TLE2: variants seen among roughly 807,000 people sequenced by gnomAD.
The protein encoded by TLE2 is TLE family member 2, transcriptional corepressor.
A neutral mutation model predicts 97.2 loss-of-function variants in TLE2; 74 were observed. The observed-to-expected ratio is 0.76, with a 90% CI of 0.63 to 0.92. TLE2 has a LOEUF of 0.92. Ranked by LOEUF, TLE2 falls within the 40% of genes least tolerant of loss-of-function variation. The pLI is 0.00. For synonymous variants in TLE2, 499 were observed against 432.1 expected, an observed-to-expected ratio of 1.15 and a Z score of -1.92; for missense variants, 1,038 against 1,008.7, an observed-to-expected ratio of 1.03 and a Z score of -0.39.
intron 1 of TLE2, among the ~76,000 whole-genome samples, chr19:3,035,286 C>G (rs981612645): frequency 2.0e-5 from 3 of 152,144 alleles, no homozygotes; most frequent in Non-Finnish European, 4.4e-5. Flanking sequence ...CCACATCCGG[C>G]CAGAGCAGGA....
chr19:3,000,523 C>A, intron 19 of TLE2, 124 bp downstream of exon 19: 1 of 837,224 alleles, frequency 1.2e-6, no homozygotes, highest in African/African-American at 1.7e-5. Context: ...CTTGCAGGAC[C>A]CTGAGGAGGG....
intron 17 of TLE2, among the ~76,000 whole-genome samples, chr19:3,005,049 A>G (rs1442582819): frequency 2.6e-5 from 4 of 151,912 alleles, no homozygotes; most frequent in Non-Finnish European, 5.9e-5. Context: ...CCTCCTGGCC[A>G]GTAGCTCCCC....
chr19:3,041,021 T>A lies in TLE2; in HGVS notation c.63+4705A>T, dbSNP rs1422542294. Among the ~76,000 whole-genome samples the A allele has an allele frequency of 2.7e-3, 167 of 62,648 alleles. 1 individual carries two copies. The highest frequency in any genetic ancestry group is 0.012 in the Middle Eastern group (2 of 164). The allele number at this position is 62,648 out of a possible 152,430, so 41.1% of individuals were successfully genotyped here. ...TATATATATATATATATATTTTTTT[T>A]TTTTTTTTTTTTTTTTTTTTTTTGA... is the stretch of plus-strand genomic sequence containing the variant. On this transcript the variant is annotated intron_variant, in intron 1 of 18. Coordinates refer to the TLE2 transcript ENST00000426948.
At chr19:3,034,635 T>A (rs902715) in intron 1 of TLE2, among the ~76,000 whole-genome samples, 49,693 of 151,274 alleles carry the variant, frequency 0.33, 8,254 homozygotes, top group Middle Eastern at 0.42. Context: ...TGCAAAAGCC[T>A]TCTCCCCCAG....
chr19:3,006,593 C>T lies in TLE2; in HGVS notation c.1327G>A (p.Gly443Ser), dbSNP rs1175465954. ...AGCTGCCGGGCGTGCCGCGGGATGC[C>T]CGCGCCTACCAGTGCATCCGAGGGG... ...PFPSDALVGA[G>S]IPRHARQLHT... is the part of the protein sequence containing the mutation. The change falls in exon 15 of 20, where the codon GGC (glycine) becomes AGC (serine). Residue 443 changes from glycine (G) to serine (S), a missense_variant. Gly to Ser is a moderately conservative substitution (Grantham distance 56, BLOSUM62 0). Coordinates refer to ENST00000262953, the MANE Select transcript of TLE2 (RefSeq NM_003260.5). 1.9e-6 allele frequency: 3 copies of T among 1,607,744 alleles called. No individual in the cohort carries two copies. Among genetic ancestry groups the T allele is most frequent in the Non-Finnish European group, 1.7e-6 (2 of 1,177,824 alleles).
rs2089917762 is a variant in TLE2, at chr19:3,025,036, G to A, written c.278C>T (p.Pro93Leu). The change falls in exon 5 of 20, where the codon CCC becomes CTC. Residue 93 changes from proline to leucine, a missense_variant. Physicochemically the swap from Pro to Leu is moderately conservative, Grantham distance 98. Transcript: ENST00000262953. Reference protein sequence around the residue: ...RLSGICAQIIPFLTQEHQQQV... With the variant: ...RLSGICAQIILFLTQEHQQQV... ...CCCACTCACCTCCTGGGTCAGGAAG[G>A]GGATAATCTGAGCGCAGATACCGCT... 3.7e-6 allele frequency: 6 copies of A among 1,603,142 alleles called. No individual in the cohort carries two copies. The highest frequency in any genetic ancestry group is 5.1e-6 in the Non-Finnish European group (6 of 1,175,176).
chr19:3,025,059 G>A lies in TLE2; in HGVS notation c.255C>T (p.Ser85=), dbSNP rs150091357. 3,384 of 1,586,916 alleles carry A rather than the reference G, an allele frequency of 2.1e-3. 67 individuals are homozygous for A. In the African/African-American group the frequency reaches 0.04, roughly 19 times the overall value. Residue 85 remains serine (S), a synonymous_variant, in exon 5 of 20, where the codon AGC becomes AGT. Coordinates refer to ENST00000262953, the MANE Select transcript of TLE2 (RefSeq NM_003260.5). ...AGGGGATAATCTGAGCGCAGATACC[G>A]CTCAGACGCTTCACAATCTCCGCCT... ...HKQAEIVKRL[S]GICAQIIPFL...
chr19:3,027,514 G>A (rs1019062521), intron 4 of TLE2, among the ~76,000 whole-genome samples: 1 of 152,212 alleles, frequency 6.6e-6, no homozygotes, highest in Non-Finnish European at 1.5e-5. Flanking sequence ...CAGCCTCCCT[G>A]GCCTGGCTGC....
chr19:3,006,456 A>AGGCT lies in TLE2; in HGVS notation c.1460_1463dup (p.Gly489AlafsTer36), dbSNP rs2089480899. 1 of 1,610,474 alleles carries AGGCT rather than the reference A, an allele frequency of 6.2e-7. No homozygotes were observed. The highest frequency in any genetic ancestry group is 1.7e-5 in the Admixed American group (1 of 59,938). On this transcript the variant is annotated frameshift_variant, in exon 15 of 20. Transcript: ENST00000262953. LOFTEE classifies it high-confidence loss of function. ...GCTGGGCCACGGGCGTCTTGGCCCC[A>AGGCT]GGCTGGCCCACGTCCCACACCTTCA...
intron 1 of TLE2, among the ~76,000 whole-genome samples, chr19:3,035,888 G>GA (rs1168126443): frequency 6.6e-6 from 1 of 151,890 alleles, no homozygotes; most frequent in Non-Finnish European, 1.5e-5. Context: ...TGGAGGAGGG[G>GA]GGGCTAAGGC....
chr19:3,013,914 A>AG, intron 10 of TLE2, 96 bp from the exon 11 acceptor site: 2 of 1,227,120 alleles, frequency 1.6e-6, no homozygotes, highest in Non-Finnish European at 2.1e-6. Context: ...CAATCTCTAG[A>AG]ATGGGTACCC....
Position 3,018,044 on chromosome 19 carries a change from A to G in TLE2, c.551-185T>C, listed in dbSNP as rs373510880. Among the ~76,000 whole-genome samples the G allele has an allele frequency of 3.3e-5, 5 of 151,936 alleles. 1 individual carries two copies. The highest frequency in any genetic ancestry group is 9.6e-5 in the African/African-American group (4 of 41,454). ...TTATCCCTCCCCTGCATTCAGATCA[A>G]TGCCCAGAGAGGGATAGTGACTTGC... On this transcript the variant is annotated intron_variant, in intron 7 of 19. Coordinates refer to ENST00000262953, the MANE Select transcript of TLE2 (RefSeq NM_003260.5).
At chr19:3,026,175 G>A (rs1333531840) in intron 4 of TLE2, among the ~76,000 whole-genome samples, 1 of 152,148 alleles carries the variant, frequency 6.6e-6, no homozygotes, top group Non-Finnish European at 1.5e-5. Flanking sequence ...GGCCGGGCAA[G>A]GTGGCTCACT....
At chr19:3,005,120 A>G (rs1206884070) in intron 17 of TLE2, among the ~76,000 whole-genome samples, 1 of 152,024 alleles carries the variant, frequency 6.6e-6, no homozygotes, top group Non-Finnish European at 1.5e-5. Context: ...CCAGAGATTA[A>G]AGGCTAGAAG....
chr19:3,000,819 T>C, intron 18 of TLE2, 96 bp from the exon 19 acceptor site: 9 of 658,540 alleles, frequency 1.4e-5, no homozygotes, highest in South Asian at 3.9e-5. Context: ...GGGTCTGGCC[T>C]CTCCCTTTTT....
chr19:3,010,229 TGG>T (rs1317037294), intron 12 of TLE2, among the ~76,000 whole-genome samples: 2 of 151,840 alleles, frequency 1.3e-5, no homozygotes, highest in East Asian at 1.9e-4. Flanking sequence ...CTGGGCATGG[TGG>T]TGCATGCCCG....
At chr19:3,010,819 A>C (rs892748120) in intron 12 of TLE2, among the ~76,000 whole-genome samples, 4 of 151,976 alleles carry the variant, frequency 2.6e-5, no homozygotes, top group Non-Finnish European at 5.9e-5. Context: ...TCCACTCTCC[A>C]GGCCTCAGTT....
chr19:3,044,700 G>A (rs1388280187), intron 1 of TLE2, among the ~76,000 whole-genome samples: 4 of 152,158 alleles, frequency 2.6e-5, no homozygotes, highest in African/African-American at 9.7e-5. Context: ...GATTACAGGC[G>A]TGAGCCACTG....
At chr19:3,018,302 T>TTA (rs1223308818) in intron 7 of TLE2, among the ~76,000 whole-genome samples, 1 of 151,684 alleles carries the variant, frequency 6.6e-6, no homozygotes, top group Non-Finnish European at 1.5e-5. Context: ...TGGCATTTAT[T>TTA]TATTTATTTA....
Sources: allele counts gnomAD v4.1 joint callset (sites outside exome capture counted in the v4.1 genomes callset), GRCh38; gene constraint gnomAD v4.1.1; transcripts MANE v1.5; gene names NCBI Gene and HGNC (gene_info 2026-07-23, HGNC 2026-07-21).